The following ADAM12 variants were observed in gnomAD, a reference collection of about 807,000 sequenced individuals.
ADAM12 encodes disintegrin and metalloproteinase domain-containing protein 12.
ADAM12 carries 70 observed loss-of-function variants against 106.4 expected under a neutral mutation model. The ratio of observed to expected loss-of-function variants is 0.66; its 90% CI spans 0.54 to 0.80. The LOEUF (loss-of-function observed/expected upper bound fraction) is 0.80, where lower values mean the gene tolerates loss of function less well. ADAM12 is among the 30% of genes least tolerant of loss of function. ADAM12 has a pLI of 0.00. For synonymous variants in ADAM12, 420 were observed against 433.5 expected (o/e 0.97, Z 0.39); for missense variants, 1,010 against 1,171.9 (o/e 0.86, Z 2.02).
chr10:126,062,589 A>G (rs1230397129), intron 14 of ADAM12, among the ~76,000 whole-genome samples: 1 of 152,198 alleles, frequency 6.6e-6, no homozygotes, highest in East Asian at 1.9e-4. Flanking sequence ...TGATGAGATA[A>G]TAAATACCAG....
At chr10:126,281,571 T>G (rs1959583136) in intron 2 of ADAM12, among the ~76,000 whole-genome samples, 1 of 152,208 alleles carries the variant, frequency 6.6e-6, no homozygotes, top group Non-Finnish European at 1.5e-5. Flanking sequence ...GTATGACTAG[T>G]AAAGGAGAAA....
intron 3 of ADAM12, among the ~76,000 whole-genome samples, chr10:126,237,380 C>G (rs2133641624): frequency 2.0e-5 from 3 of 152,196 alleles, no homozygotes; most frequent in Middle Eastern, 6.8e-3. Flanking sequence ...AGAGGGGACT[C>G]CCCTATACCC....
At chr10:126,128,951 G>C (rs1414879824) in intron 5 of ADAM12, among the ~76,000 whole-genome samples, 2 of 152,062 alleles carry the variant, frequency 1.3e-5, no homozygotes, top group Non-Finnish European at 2.9e-5. Context: ...GGGAATGTGT[G>C]CAAGTGGGAG....
In ADAM12 at chr10:126,064,477, T is replaced by C. The variant is rs983653464; in HGVS notation, c.1609+329A>G. Among the ~76,000 whole-genome samples, 11 of 152,166 alleles carry C rather than the reference T, an allele frequency of 7.2e-5. No homozygotes were observed. The highest frequency in any genetic ancestry group is 1.6e-4 in the Non-Finnish European group (11 of 68,008). The stretch of plus-strand genomic sequence containing the variant: ...CCTCGGGGCACGCAGTAGGTGCTCC[T>C]GCAGCTCCCGTATCTCCCGGGGCAC... On this transcript the variant is annotated intron_variant, in intron 14 of 22. Coordinates refer to ENST00000448723, the MANE Select transcript of ADAM12 (RefSeq NM_001288973.2). This position sits in a 1 kb window ranked among gnomAD's most constrained non-coding sequence, Gnocchi z 4.4.
intron 1 of ADAM12, among the ~76,000 whole-genome samples, chr10:126,378,859 T>C (rs926797303): frequency 6.6e-6 from 1 of 152,254 alleles, no homozygotes; most frequent in African/African-American, 2.4e-5. Flanking sequence ...TCATCTTTTA[T>C]ATGATATTCT....
At chr10:126,106,084 G>A (rs529921924) in intron 8 of ADAM12, among the ~76,000 whole-genome samples, 7 of 152,126 alleles carry the variant, frequency 4.6e-5, no homozygotes, top group South Asian at 4.2e-4. Context: ...ATGAAGCATC[G>A]TCTACCTGCC....
intron 3 of ADAM12, among the ~76,000 whole-genome samples, chr10:126,255,005 C>T (rs1027985000): frequency 2.0e-5 from 3 of 152,192 alleles, no homozygotes; most frequent in Non-Finnish European, 2.9e-5. Flanking sequence ...CACCAGCCCC[C>T]GGTGGCATTT....
At position 126,064,931 on chromosome 10, in the gene ADAM12, G is replaced by C; in HGVS notation, c.1484C>G (p.Ala495Gly). 1 of 1,613,230 alleles carries C rather than the reference G, an allele frequency of 6.2e-7. No individual in the cohort carries two copies. Among genetic ancestry groups the C allele is most frequent in the Non-Finnish European group, 8.5e-7 (1 of 1,179,724 alleles). Residue 495 changes from alanine (A) to glycine (G), a missense_variant, in exon 14 of 23, where the codon GCC (alanine) becomes GGC (glycine). Around this residue, in one of 3 missense-constraint regions of ADAM12, gnomAD observed 615 missense variants for 708.5 expected, o/e 0.87. Coordinates refer to ENST00000448723, the MANE Select transcript of ADAM12 (RefSeq NM_001288973.2). This position sits in a 1 kb window ranked among gnomAD's most constrained non-coding sequence, Gnocchi z 4.4. Reference protein sequence around the residue: ...SCDLPEFCTGASPHCPANVYL... With the variant: ...SCDLPEFCTGGSPHCPANVYL... Reference sequence around the variant, plus strand: ...CACGTTGGCTGGGCAGTGAGGGCTGGCCCCTGTGCAGAACTCTGGGAGGTC... The same window carrying C: ...CACGTTGGCTGGGCAGTGAGGGCTGCCCCCTGTGCAGAACTCTGGGAGGTC...
chr10:126,267,825 G>A (rs556200181), intron 3 of ADAM12, among the ~76,000 whole-genome samples: 3 of 150,300 alleles, frequency 2.0e-5, no homozygotes, highest in Non-Finnish European at 4.4e-5. Flanking sequence ...GGTGGGGGGC[G>A]GTGGGGGTGG....
chr10:126,081,468 A>C (rs1955215338), intron 11 of ADAM12, among the ~76,000 whole-genome samples: 3 of 152,224 alleles, frequency 2.0e-5, no homozygotes, highest in Admixed American at 1.3e-4. Context: ...GTTTTGGAAA[A>C]TATGTTGCTG....
intron 2 of ADAM12, among the ~76,000 whole-genome samples, chr10:126,282,178 A>T (rs748340195): frequency 3.3e-5 from 5 of 152,168 alleles, no homozygotes; most frequent in Non-Finnish European, 4.4e-5. Flanking sequence ...GTGTCCACAG[A>T]TGGCCTTTTG....
intron 11 of ADAM12, among the ~76,000 whole-genome samples, chr10:126,084,507 C>G (rs549152293): frequency 1.3e-5 from 2 of 152,290 alleles, no homozygotes; most frequent in East Asian, 3.9e-4. Context: ...GAAATGGTAC[C>G]ACCCTTTCTT....
chr10:126,149,903 A>C (rs2133710462), intron 4 of ADAM12, among the ~76,000 whole-genome samples: 1 of 152,278 alleles, frequency 6.6e-6, no homozygotes, highest in South Asian at 2.1e-4. Flanking sequence ...TGATCGTGTG[A>C]GTCTGTACTC....
At chr10:126,187,190 C>T (rs919053077) in intron 3 of ADAM12, among the ~76,000 whole-genome samples, 3 of 152,126 alleles carry the variant, frequency 2.0e-5, no homozygotes, top group South Asian at 4.2e-4. Context: ...AACTTTCATA[C>T]TTCTTCTTAA....
At chr10:126,193,264 CAAAAAAAAAAAAAA>C (rs757716875) in intron 3 of ADAM12, among the ~76,000 whole-genome samples, 4 of 26,632 alleles carry the variant, frequency 1.5e-4, no homozygotes, top group South Asian at 2.3e-3. Context: ...GACTCCATCT[CAAAAAAAAAAAAAA>C]AAAAAAAAAA....
chr10:126,074,184 ATTAGAG>A (rs911717707), intron 11 of ADAM12, among the ~76,000 whole-genome samples: 6 of 152,348 alleles, frequency 3.9e-5, no homozygotes, highest in African/African-American at 1.4e-4. Context: ...TCTAGAAAAT[ATTAGAG>A]TTAATTAGGA....
chr10:126,043,243 C>G lies in ADAM12; in HGVS notation c.1996-95G>C. On this transcript the variant is annotated intron_variant, in intron 17 of 22. Coordinates refer to ENST00000448723, the MANE Select transcript of ADAM12 (RefSeq NM_001288973.2). This position sits in a 1 kb window ranked among gnomAD's most constrained non-coding sequence, Gnocchi z 4.1. Reference sequence around the variant, plus strand: ...GGGGGCCATGGTCAGAGCCCCCCCCCAACACTGACACAGCCAGACTCAGCA... The same window carrying G: ...GGGGGCCATGGTCAGAGCCCCCCCCGAACACTGACACAGCCAGACTCAGCA... 1 of 1,107,080 alleles carries G rather than the reference C, an allele frequency of 9.0e-7. No homozygotes were observed. 68.6% of individuals were successfully genotyped at this position (1,107,080 alleles called of 1,614,324 possible). A position where few individuals can be genotyped will look rare whatever the true frequency, so the allele number is the denominator to read the frequency against.
At chr10:126,272,748 T>G (rs775567308) in intron 3 of ADAM12, 1 of 204,528 alleles carries the variant, frequency 4.9e-6, no homozygotes, top group Non-Finnish European at 1.1e-5. Context: ...CTGGTCTGTG[T>G]GCTCTGAGGG....
chr10:126,057,125 C>T lies in ADAM12; in HGVS notation c.1610-7456G>A, dbSNP rs564482321. 4.3e-3 allele frequency among the ~76,000 whole-genome samples: 168 copies of T among 39,146 alleles called. 22 individuals carry two copies. The highest frequency in any genetic ancestry group is 0.013 in the African/African-American group (150 of 11,306). 25.7% of individuals were successfully genotyped at this position (39,146 alleles called of 152,430 possible). ...CTCTCCAGCACCTGTTGTTTCCTGA[C>T]TTTTTAATGATTGCCATTCTAACTG... is the stretch of plus-strand genomic sequence containing the variant. On this transcript the variant is annotated intron_variant, in intron 14 of 22. Transcript: ENST00000448723.
Sources: gnomAD v4.1 joint callset for allele counts (sites outside exome capture counted in the v4.1 genomes callset) on GRCh38, gnomAD v4.1.1 for gene constraint, gnomAD v4.1.1 regional missense constraint, Gnocchi (gnomAD v3.1) non-coding constraint, MANE v1.5 for transcripts, NCBI Gene and HGNC (gene_info 2026-07-23, HGNC 2026-07-21) for gene names.